ZMAT5: variants seen among roughly 807,000 people sequenced by gnomAD.
ZMAT5 encodes the protein zinc finger matrin-type 5.
In ZMAT5, 23 loss-of-function variants were observed where a neutral mutation model predicts 28.0. The ratio of observed to expected loss-of-function variants is 0.82; its 90% confidence interval spans 0.59 to 1.16. The LOEUF (loss-of-function observed/expected upper bound fraction) is 1.16. Among genes scored for constraint, ZMAT5 ranks in the 50% most tolerant of loss-of-function variants. ZMAT5 has a pLI of 0.00. For synonymous variants in ZMAT5, 76 were observed against 84.1 expected, an observed-to-expected ratio of 0.90 and a Z score of 0.52; for missense variants, 173 against 212.7, an observed-to-expected ratio of 0.81 and a Z score of 1.16.
chr22:29,759,095 G>T (rs2068131063), intron 1 of ZMAT5, among the ~76,000 whole-genome samples: 2 of 152,322 alleles, frequency 1.3e-5, no homozygotes, highest in South Asian at 4.1e-4. Context: ...CCTGGTGAAG[G>T]TCGGCTGAGC....
chr22:29,737,749 C>T (rs1157877688), intron 5 of ZMAT5, among the ~76,000 whole-genome samples: 1 of 152,036 alleles, frequency 6.6e-6, no homozygotes, highest in Non-Finnish European at 1.5e-5. Flanking sequence ...GAGGCCCTTC[C>T]CTCAAAGAGG....
intron 5 of ZMAT5, among the ~76,000 whole-genome samples, chr22:29,733,086 CA>C (rs1170679161): frequency 3.2e-4 from 49 of 152,210 alleles, no homozygotes; most frequent in Non-Finnish European, 2.1e-4. Flanking sequence ...TGCAAGGAGT[CA>C]GTCACGTGAC....
chr22:29,753,180 T>G (rs565461411), intron 1 of ZMAT5, among the ~76,000 whole-genome samples: 1 of 152,304 alleles, frequency 6.6e-6, no homozygotes, highest in South Asian at 2.1e-4. Flanking sequence ...ATTTTCTCAC[T>G]CAGTGATACT....
chr22:29,731,140 TG>T lies in ZMAT5; in HGVS notation c.*84del. 7.2e-7 allele frequency: 1 copy of T among 1,383,428 alleles called. No homozygotes were observed. The highest frequency in any genetic ancestry group is 9.5e-7 in the Non-Finnish European group (1 of 1,056,004). 85.7% of individuals were successfully genotyped at this position (1,383,428 alleles called of 1,614,324 possible). On this transcript the variant is annotated 3_prime_UTR_variant, in exon 6 of 6. Transcript: ENST00000344318. The stretch of plus-strand genomic sequence containing the variant: ...TGGGCAGATGGTCTCGGAGCCTCCA[TG>T]GGGCGTAGCAGGAACCGGGCTTGGC...
intron 1 of ZMAT5, among the ~76,000 whole-genome samples, chr22:29,765,870 A>G (rs1395960488): frequency 6.6e-6 from 1 of 152,198 alleles, no homozygotes; most frequent in Non-Finnish European, 1.5e-5. Flanking sequence ...TCCATCTCAA[A>G]TAAATAACCA....
At chr22:29,741,399 C>T (rs2067961683) in intron 3 of ZMAT5, among the ~76,000 whole-genome samples, 1 of 152,190 alleles carries the variant, frequency 6.6e-6, no homozygotes, top group South Asian at 2.1e-4. Flanking sequence ...GGAGCTTGGA[C>T]ATTCACCCAG....
chr22:29,755,288 T>C (rs1259560804), intron 1 of ZMAT5, among the ~76,000 whole-genome samples: 1 of 127,998 alleles, frequency 7.8e-6, no homozygotes, highest in African/African-American at 3.0e-5. Context: ...AAGTGAGACC[T>C]TGTCAAAAAA....
chr22:29,756,330 G>A (rs1009002468), intron 1 of ZMAT5, among the ~76,000 whole-genome samples: 3 of 152,236 alleles, frequency 2.0e-5, no homozygotes. Flanking sequence ...CAGACTGCTG[G>A]TGCAGGACCC....
intron 1 of ZMAT5, among the ~76,000 whole-genome samples, chr22:29,764,694 G>A (rs2068190512): frequency 6.6e-6 from 1 of 152,044 alleles, no homozygotes. Flanking sequence ...GTAGAGACAG[G>A]GTTTCACCAT....
intron 4 of ZMAT5, among the ~76,000 whole-genome samples, chr22:29,739,286 T>A (rs969257572): frequency 1.3e-5 from 2 of 152,172 alleles, no homozygotes; most frequent in Non-Finnish European, 2.9e-5. Context: ...CGCCAAGTCA[T>A]CTGGGATGGA....
In ZMAT5 at chr22:29,731,230, C is replaced by G; in HGVS notation, c.508G>C (p.Gly170Arg). The change falls in exon 6 of 6, where the codon GGC becomes CGC. Residue 170 changes from glycine to arginine, a missense_variant. By Grantham distance (125) the Gly-to-Arg change is moderately radical. Coordinates refer to ENST00000344318, the MANE Select transcript of ZMAT5 (RefSeq NM_001003692.2). The stretch of plus-strand genomic sequence containing the variant: ...GTCAGTCGGGGGCAAGGGGCTCAGC[C>G]CCACTGGACTCTGGGCTGCAGAGGC... ...GWPLQPRVQW[G>R] is the part of the protein sequence containing the mutation. 6.7e-7 allele frequency: 1 copy of G among 1,499,274 alleles called. No individual in the cohort carries two copies. The highest frequency in any genetic ancestry group is 2.7e-5 in the East Asian group (1 of 36,946). 92.9% of individuals were successfully genotyped at this position (1,499,274 alleles called of 1,614,324 possible).
At chr22:29,732,444 C>T (rs1201283204) in intron 5 of ZMAT5, among the ~76,000 whole-genome samples, 2 of 152,150 alleles carry the variant, frequency 1.3e-5, no homozygotes, top group Non-Finnish European at 2.9e-5. Context: ...TGATTAAGTA[C>T]ACGTGCACAT....
chr22:29,759,542 A>G (rs1266350198), intron 1 of ZMAT5, among the ~76,000 whole-genome samples: 1 of 152,152 alleles, frequency 6.6e-6, no homozygotes, highest in South Asian at 2.1e-4. Context: ...GCCAAGGCAG[A>G]TCAGTTGAGG....
At chr22:29,741,775 T>C (rs1259223757) in intron 3 of ZMAT5, among the ~76,000 whole-genome samples, 2 of 151,996 alleles carry the variant, frequency 1.3e-5, no homozygotes, top group African/African-American at 4.8e-5. Context: ...TCAACCTCCC[T>C]AGTAGCTGGG....
At chr22:29,761,116 T>C (rs373671842) in intron 1 of ZMAT5, among the ~76,000 whole-genome samples, 1 of 150,568 alleles carries the variant, frequency 6.6e-6, no homozygotes, top group African/African-American at 2.4e-5. Flanking sequence ...CTACTAAAAA[T>C]ATAAAAATTA....
intron 1 of ZMAT5, among the ~76,000 whole-genome samples, chr22:29,761,451 G>C (rs949892327): frequency 6.6e-6 from 1 of 151,822 alleles, no homozygotes; most frequent in Non-Finnish European, 1.5e-5. Context: ...ATGGTGGTGC[G>C]GGCTCGGGCC....
At chr22:29,762,012 ATAAT>A (rs1413870997) in intron 1 of ZMAT5, among the ~76,000 whole-genome samples, 3 of 152,332 alleles carry the variant, frequency 2.0e-5, no homozygotes, top group Non-Finnish European at 4.4e-5. Flanking sequence ...GTCTGTAAAA[ATAAT>A]TATTTATAAG....
intron 4 of ZMAT5, 70 bp downstream of exon 4, chr22:29,740,580 T>A (rs2067951788): frequency 4.1e-6 from 6 of 1,479,234 alleles, no homozygotes; most frequent in Non-Finnish European, 5.5e-6. Flanking sequence ...ATAGGCCAGC[T>A]TCCCCGGTCT....
rs562153856 is a variant in ZMAT5, at chr22:29,763,318, A to G, written c.-28+3554T>C. Among the ~76,000 whole-genome samples, 12 of 150,628 alleles carry G rather than the reference A, an allele frequency of 8.0e-5. No homozygotes were observed. The South Asian group carries it at 2.5e-3, about 32-fold the overall frequency. On this transcript the variant is annotated intron_variant, in intron 1 of 5. Coordinates refer to ENST00000344318, the MANE Select transcript of ZMAT5 (RefSeq NM_001003692.2). Reference sequence around the variant, plus strand: ...AATAAATAAATAAATAAATAAATAAATAAGGCCAGGTGCGGTGGCTCACAC... The same window carrying G: ...AATAAATAAATAAATAAATAAATAAGTAAGGCCAGGTGCGGTGGCTCACAC...
Sources: allele counts gnomAD v4.1 joint callset (sites outside exome capture counted in the v4.1 genomes callset), GRCh38; gene constraint gnomAD v4.1.1; transcripts MANE v1.5; gene names NCBI Gene and HGNC (gene_info 2026-07-23, HGNC 2026-07-21).